Variants in ERC2 observed in about 807,000 individuals in gnomAD.
The protein encoded by ERC2 is ERC protein 2.
ERC2 carries 42 observed loss-of-function variants against 114.8 expected under a neutral mutation model. That is an observed-to-expected ratio of 0.37 (90% CI 0.29 to 0.47). The LOEUF is 0.47. Among genes scored for constraint, ERC2 ranks in the 20% least tolerant of loss-of-function variants. The pLI, the probability that ERC2 is intolerant of heterozygous loss-of-function variation, is 0.99. For missense variants in ERC2, 939 were observed against 1,150.7 expected (o/e 0.82, Z 2.66); for synonymous variants, 454 against 425.5 (o/e 1.07, Z -0.82).
intron 3 of ERC2, among the ~76,000 whole-genome samples, chr3:56,216,423 C>G (rs1425466662): frequency 6.6e-6 from 1 of 152,192 alleles, no homozygotes; most frequent in African/African-American, 2.4e-5. Context: ...GACACATACA[C>G]CCTTCCGAGA....
intron 2 of ERC2, among the ~76,000 whole-genome samples, chr3:56,371,882 G>C (rs910846026): frequency 3.3e-5 from 5 of 152,190 alleles, no homozygotes; most frequent in African/African-American, 1.2e-4. Flanking sequence ...ACCCCAGACT[G>C]ACATACAAAT....
intron 12 of ERC2, among the ~76,000 whole-genome samples, chr3:55,978,317 T>C (rs1298078472): frequency 6.6e-6 from 1 of 152,198 alleles, no homozygotes. Flanking sequence ...TATATAAAGA[T>C]TACTTTTCAA....
intron 2 of ERC2, among the ~76,000 whole-genome samples, chr3:56,306,744 A>G (rs2056250942): frequency 6.6e-6 from 1 of 152,184 alleles, no homozygotes; most frequent in Admixed American, 6.5e-5. Flanking sequence ...TGGGAGGAGT[A>G]TAATATAGTG....
intron 14 of ERC2, among the ~76,000 whole-genome samples, chr3:55,777,304 C>A (rs1392718959): frequency 6.6e-6 from 1 of 152,156 alleles, no homozygotes; most frequent in East Asian, 1.9e-4. Context: ...GTGTACCCAG[C>A]TAGAGCAGGA....
intron 12 of ERC2, among the ~76,000 whole-genome samples, chr3:55,976,530 C>T (rs1017714382): frequency 2.6e-5 from 4 of 152,190 alleles, no homozygotes; most frequent in Admixed American, 2.6e-4. Context: ...TAAGTGTCTA[C>T]TATTTTTGCA....
At chr3:56,056,674 C>A (rs1461546747) in intron 7 of ERC2, among the ~76,000 whole-genome samples, 1 of 152,122 alleles carries the variant, frequency 6.6e-6, no homozygotes, top group Admixed American at 6.5e-5. Flanking sequence ...TTACTTAATA[C>A]CCTCTGAGTT....
chr3:56,012,758 C>T (rs1055671703), intron 8 of ERC2, among the ~76,000 whole-genome samples: 1 of 152,178 alleles, frequency 6.6e-6, no homozygotes, highest in African/African-American at 2.4e-5. Flanking sequence ...CTCCGTCAAT[C>T]ACAAAACCAA....
At chr3:56,300,176 A>G (rs2055768497) in intron 2 of ERC2, among the ~76,000 whole-genome samples, 1 of 152,128 alleles carries the variant, frequency 6.6e-6, no homozygotes, top group Non-Finnish European at 1.5e-5. Flanking sequence ...AGAAAGAAGA[A>G]AAGCAGGAAA....
intron 17 of ERC2, among the ~76,000 whole-genome samples, chr3:55,648,652 A>C (rs2060487797): frequency 6.6e-6 from 1 of 152,208 alleles, no homozygotes; most frequent in African/African-American, 2.4e-5. Context: ...TCCCAAGAGG[A>C]AGGTGCAAAG....
intron 3 of ERC2, among the ~76,000 whole-genome samples, chr3:56,263,543 T>C (rs970261920): frequency 6.6e-6 from 1 of 152,092 alleles, no homozygotes; most frequent in East Asian, 1.9e-4. Flanking sequence ...AACAACTATA[T>C]GCCAACAAAT....
chr3:55,935,253 C>T (rs2066366632), intron 13 of ERC2, among the ~76,000 whole-genome samples: 1 of 152,158 alleles, frequency 6.6e-6, no homozygotes, highest in Non-Finnish European at 1.5e-5. Flanking sequence ...AGAGGAGTTC[C>T]AGAAAGCTTT....
chr3:55,911,020 T>G (rs1264530511), intron 13 of ERC2, among the ~76,000 whole-genome samples: 1 of 152,170 alleles, frequency 6.6e-6, no homozygotes, highest in Non-Finnish European at 1.5e-5. Flanking sequence ...ACTTCTCTTC[T>G]TCCCCTTTCC....
At chr3:55,543,103 G>T (rs1019869527) in intron 17 of ERC2, among the ~76,000 whole-genome samples, 2 of 152,080 alleles carry the variant, frequency 1.3e-5, no homozygotes, top group African/African-American at 2.4e-5. Context: ...TCCTGCACCC[G>T]CTGTGTTTAA....
At chr3:56,288,094 T>G (rs2054841322) in intron 3 of ERC2, among the ~76,000 whole-genome samples, 1 of 152,178 alleles carries the variant, frequency 6.6e-6, no homozygotes, top group Non-Finnish European at 1.5e-5. Flanking sequence ...ACATGTAAAG[T>G]ATTAATGTTT....
chr3:55,952,031 C>T (rs11130489), intron 12 of ERC2, among the ~76,000 whole-genome samples: 57,747 of 149,552 alleles, frequency 0.39, 11,557 homozygotes, highest in Admixed American at 0.48. Context: ...GAGGGTGCAG[C>T]GGCTCATGCC....
intron 16 of ERC2, among the ~76,000 whole-genome samples, chr3:55,685,813 A>G (rs762739025): frequency 1.9e-4 from 29 of 152,218 alleles, no homozygotes; most frequent in Non-Finnish European, 3.8e-4. Context: ...GCCTACGGCC[A>G]CTGCCGACTT....
intron 7 of ERC2, among the ~76,000 whole-genome samples, chr3:56,064,152 T>C (rs763001989): frequency 4.6e-5 from 7 of 152,184 alleles, no homozygotes; most frequent in African/African-American, 1.2e-4. Context: ...TCTGGTCAAA[T>C]GCCCCATGTT....
chr3:56,381,855 A>C (rs534945357), intron 2 of ERC2, among the ~76,000 whole-genome samples: 1 of 152,220 alleles, frequency 6.6e-6, no homozygotes, highest in South Asian at 2.1e-4. Context: ...AGAATCTGAA[A>C]TTCTCAAAAT....
intron 3 of ERC2, among the ~76,000 whole-genome samples, chr3:56,219,901 T>C (rs2049783085): frequency 6.6e-6 from 1 of 152,220 alleles, no homozygotes; most frequent in Non-Finnish European, 1.5e-5. Flanking sequence ...CCTCCCATTT[T>C]GGCATTCATA....
Sources: gnomAD v4.1 joint callset for allele counts (sites outside exome capture counted in the v4.1 genomes callset) on GRCh38, gnomAD v4.1.1 for gene constraint, MANE v1.5 for transcripts, NCBI Gene and HGNC (gene_info 2026-07-23, HGNC 2026-07-21) for gene names.